The following CHTF18 variants were observed in gnomAD, a reference collection of about 807,000 sequenced individuals.
The protein encoded by CHTF18 is chromosome transmission fidelity protein 18 homolog.
In CHTF18, 151 loss-of-function variants were observed where a neutral mutation model predicts 113.4. The observed-to-expected ratio is 1.33, with a 90% CI of 1.17 to 1.52. The LOEUF is 1.52. Among genes scored for constraint, CHTF18 ranks in the 40% most tolerant of loss-of-function variants. The pLI, the probability that CHTF18 is intolerant of heterozygous loss-of-function variation, is 0.00. For synonymous variants in CHTF18, 916 were observed against 598.8 expected, an observed-to-expected ratio of 1.53 and a Z score of -7.74; for missense variants, 1,982 against 1,381.6, an observed-to-expected ratio of 1.43 and a Z score of -6.89.
In CHTF18 at chr16:792,345, G is replaced by T; in HGVS notation, c.1324G>T (p.Val442Leu). The change falls in exon 10 of 22, where the codon GTG becomes TTG. Residue 442 changes from valine (V) to leucine (L), a missense_variant and splice_region_variant. Val to Leu is a conservative substitution (Grantham distance 32). Coordinates refer to ENST00000262315, the MANE Select transcript of CHTF18 (RefSeq NM_022092.3). The part of the protein sequence containing the change: ...LVIDEIDGAP[V>L]AAINVLLSIL... Reference sequence around the variant, plus strand: ...CATCGATGAGATCGACGGGGCCCCCGTGGTGGGCTCCTTGATGCCTGGGTA... The same window carrying T: ...CATCGATGAGATCGACGGGGCCCCCTTGGTGGGCTCCTTGATGCCTGGGTA... 6.4e-7 allele frequency: 1 copy of T among 1,555,154 alleles called. No homozygotes were observed. Among genetic ancestry groups the T allele is most frequent in the Non-Finnish European group, 8.7e-7 (1 of 1,149,990 alleles).
intron 4 of CHTF18, 155 bp downstream of exon 4, chr16:789,870 G>GTCTACGCCCC: frequency 7.5e-7 from 1 of 1,333,636 alleles, no homozygotes; most frequent in Non-Finnish European, 1.0e-6. Flanking sequence ...CGTAGACTTA[G>GTCTACGCCCC]AGGACACAGC....
chr16:790,061 C>A, intron 4 of CHTF18, 116 bp from the exon 5 acceptor site: 6 of 1,536,960 alleles, frequency 3.9e-6, no homozygotes, highest in Non-Finnish European at 4.4e-6. Context: ...TCTCCCACCC[C>A]TCACTGGCCA....
Position 796,737 on chromosome 16 carries a change from G to T in CHTF18, c.2477G>T (p.Arg826Leu). The stretch of plus-strand genomic sequence containing the variant: ...AGCAGGAACGTGGAGGAACTCTGCC[G>T]CTTCCCTGAGCTGCCTGCCCGCAAG... Reference protein sequence around the residue: ...RLEPNVEELCRFPELPARKPL... With the variant: ...RLEPNVEELCLFPELPARKPL... Residue 826 changes from arginine to leucine, a missense_variant, in exon 19 of 22, where the codon CGC (arginine) becomes CTC (leucine). Arg to Leu is a moderately radical substitution (Grantham distance 102). Coordinates refer to ENST00000262315, the MANE Select transcript of CHTF18 (RefSeq NM_022092.3). 1.2e-6 allele frequency: 2 copies of T among 1,603,182 alleles called. No homozygotes were observed.
chr16:793,085 G>T, intron 13 of CHTF18, 21 bp downstream of exon 13: 1 of 1,512,780 alleles, frequency 6.6e-7, no homozygotes, highest in Non-Finnish European at 8.9e-7. Context: ...GGCAGGCACC[G>T]GGTGGGGTGG....
At chr16:796,486 C>G in intron 18 of CHTF18, 1 of 591,744 alleles carries the variant, frequency 1.7e-6, no homozygotes, top group Non-Finnish European at 2.9e-6. Context: ...TCCGTGGCAG[C>G]CATCGGCAGG....
rs1257611863 is a variant in CHTF18 at position 796,784 on chromosome 16, C to T, written c.2524C>T (p.Gln842Ter). The T allele has an allele frequency of 4.3e-6, 7 of 1,610,532 alleles. No homozygotes were observed. Among genetic ancestry groups the T allele is most frequent in the East Asian group, 2.2e-5 (1 of 44,876 alleles). Residue 842 changes from glutamine (Q) to a stop codon, truncating the protein, a stop_gained, in exon 19 of 22, where the codon CAG becomes TAG. Coordinates refer to ENST00000262315, the MANE Select transcript of CHTF18 (RefSeq NM_022092.3). LOFTEE classifies it high-confidence loss of function. ...CAAGCCCCTCACCTACCAGACGAAGCAGCTCATCGCCCGCGAGATCGAGGT... is the reference window on the plus strand; with the variant it reads ...CAAGCCCCTCACCTACCAGACGAAGTAGCTCATCGCCCGCGAGATCGAGGT... ...ARKPLTYQTK[Q>*]LIAREIEVEK...
intron 18 of CHTF18, 27 bp from the exon 19 acceptor site, chr16:796,690 G>A: frequency 6.4e-7 from 1 of 1,571,998 alleles, no homozygotes; most frequent in South Asian, 1.1e-5. Context: ...CCGCTGACCT[G>A]CCCTGGTGTC....
At chr16:795,048 G>T (rs2042298774) in intron 15 of CHTF18, 84 bp from the exon 16 acceptor site, 2 of 1,106,538 alleles carry the variant, frequency 1.8e-6, no homozygotes, top group Admixed American at 2.2e-5. Context: ...AGGAGTGGAG[G>T]GTCTGTGGCG....
At chr16:796,439 C>T (rs2042349418) in intron 18 of CHTF18, among the ~76,000 whole-genome samples, 1 of 152,236 alleles carries the variant, frequency 6.6e-6, no homozygotes, top group Non-Finnish European at 1.5e-5. Flanking sequence ...CCTGCTGCCC[C>T]AGCGACGGCA....
rs201801533 is a variant in CHTF18, at chr16:797,672, G to A, written c.2734-22G>A. On this transcript the variant is annotated intron_variant, in intron 20 of 21. Transcript: ENST00000262315. The stretch of plus-strand genomic sequence containing the variant: ...GATGGGGCATCTGTCCTATACGACT[G>A]ACTAGTCCTTCCTCCCATCAGCCTG... 5 of 1,611,042 alleles carry A rather than the reference G, an allele frequency of 3.1e-6. No homozygotes were observed. In the African/African-American group the frequency reaches 6.7e-5, roughly 22 times the overall value.
chr16:789,067 C>T lies in CHTF18; in HGVS notation c.228C>T (p.Gly76=), dbSNP rs750330171. The T allele has an allele frequency of 2.6e-6, 4 of 1,535,952 alleles. No homozygotes were observed. The highest frequency in any genetic ancestry group is 1.4e-5 in the African/African-American group (1 of 72,500). Residue 76 remains glycine (G), a synonymous_variant, in exon 2 of 22, where the codon GGC becomes GGT. Transcript: ENST00000262315. ...CCGCATCTGTGGGCAGCAGCCAGGGCGGCGCCAGGAAGAGGCAGGTGGACG... is the reference window on the plus strand; with the variant it reads ...CCGCATCTGTGGGCAGCAGCCAGGGTGGCGCCAGGAAGAGGCAGGTGGACG... ...APAASVGSSQ[G]GARKRQVDAD... is the part of the protein sequence containing the mutation.
At chr16:792,616 T>A (rs2042230748) in intron 11 of CHTF18, 26 bp downstream of exon 11, 1 of 1,591,582 alleles carries the variant, frequency 6.3e-7, no homozygotes, top group Non-Finnish European at 8.5e-7. Context: ...GGCGCCACAG[T>A]CAGGAGAGGC....
At position 796,958 on chromosome 16, in the gene CHTF18, C is replaced by T. The variant is rs954074128; in HGVS notation, c.2602-3C>T. 2 of 1,528,282 alleles carry T rather than the reference C, an allele frequency of 1.3e-6. No individual in the cohort carries two copies. The highest frequency in any genetic ancestry group is 8.8e-7 in the Non-Finnish European group (1 of 1,134,686). 94.7% of individuals were successfully genotyped at this position (1,528,282 alleles called of 1,614,324 possible). A position where few individuals can be genotyped will look rare whatever the true frequency, so the allele number is the denominator to read the frequency against. ...CAGATCTCACAATGCCTGCTCCCTA[C>T]AGGTGGATGGGAGCCCCCCAGGGCT... is the stretch of plus-strand genomic sequence containing the variant. On this transcript the variant is annotated splice_polypyrimidine_tract_variant and splice_region_variant and intron_variant, in intron 19 of 21. Transcript: ENST00000262315.
chr16:791,907 T>A lies in CHTF18; in HGVS notation c.1161T>A (p.Ile387=). 6.2e-7 allele frequency: 1 copy of A among 1,610,162 alleles called. No homozygotes were observed. ...GLGKTTLAHV[I]ARHAGYSVVE... is the part of the protein sequence containing the mutation. The stretch of plus-strand genomic sequence containing the variant: ...GGAAGACCACCCTGGCACACGTGAT[T>A]GCGCGTCACGCGGGGTACTCTGTGG... Residue 387 remains isoleucine, a synonymous_variant, in exon 9 of 22, where the codon ATT becomes ATA. Transcript: ENST00000262315.
rs1236497900 is a variant in CHTF18 at position 791,339 on chromosome 16, G to A, written c.1073G>A (p.Gly358Glu). ...EQVLEEMLEA[G>E]LDPSQRPKQK... ...GTGCTGGAGGAGATGCTGGAGGCTGGGCTGGACCCGAGCCAGCGACCGAAG... is the reference window on the plus strand; with the variant it reads ...GTGCTGGAGGAGATGCTGGAGGCTGAGCTGGACCCGAGCCAGCGACCGAAG... Residue 358 changes from glycine to glutamate, a missense_variant, in exon 8 of 22, where the codon GGG (glycine) becomes GAG (glutamate). Physicochemically the swap from Gly to Glu is moderately conservative, Grantham distance 98. Transcript: ENST00000262315. The A allele has an allele frequency of 6.2e-7, 1 of 1,607,238 alleles. No individual in the cohort carries two copies. Among genetic ancestry groups the A allele is most frequent in the East Asian group, 2.2e-5 (1 of 44,788 alleles).
chr16:797,559 T>A lies in CHTF18; in HGVS notation c.2734-135T>A, dbSNP rs1452614176. 1.3e-5 allele frequency: 11 copies of A among 876,252 alleles called. No homozygotes were observed. The East Asian group carries it at 2.4e-4, about 19-fold the overall frequency. 54.3% of individuals were successfully genotyped at this position (876,252 alleles called of 1,614,324 possible). A position where few individuals can be genotyped will look rare whatever the true frequency, so the allele number is the denominator to read the frequency against. ...AGTGAGGGGTGAGGGGCAGCTGGCC[T>A]GGGCCAGGTTCCGAAAGGTGTCTCA... On this transcript the variant is annotated intron_variant, in intron 20 of 21. Coordinates refer to ENST00000262315, the MANE Select transcript of CHTF18 (RefSeq NM_022092.3).
rs754889987 is a variant in CHTF18 at position 790,179 on chromosome 16, C to T, written c.609C>T (p.Gly203=). The stretch of plus-strand genomic sequence containing the variant: ...CAATTGTCCTCCCTTCCCCACAGGG[C>T]TCTCTCCTCCACGTCCCATGGCGAG... ...RADPMAPGVQ[G]SLLHVPWRGG... The change falls in exon 5 of 22, where the codon GGC becomes GGT. Residue 203 remains glycine, a splice_region_variant and synonymous_variant. Coordinates refer to ENST00000262315, the MANE Select transcript of CHTF18 (RefSeq NM_022092.3). 3 of 1,594,448 alleles carry T rather than the reference C, an allele frequency of 1.9e-6. No individual in the cohort carries two copies. Among genetic ancestry groups the T allele is most frequent in the African/African-American group, 1.3e-5 (1 of 74,488 alleles).
rs1222171081 is a variant in CHTF18 at position 788,621 on chromosome 16, G to C, written c.-64G>C. 2.3e-6 allele frequency: 3 copies of C among 1,298,342 alleles called. No individual in the cohort carries two copies. The highest frequency in any genetic ancestry group is 1.5e-5 in the African/African-American group (1 of 64,552). 80.4% of individuals were successfully genotyped at this position (1,298,342 alleles called of 1,614,324 possible). ...GGCGGCGCCCGGCACGCTCGGGGCGGGCAGTGCGCGACGGCGGCGGCGGCG... is the reference window on the plus strand; with the variant it reads ...GGCGGCGCCCGGCACGCTCGGGGCGCGCAGTGCGCGACGGCGGCGGCGGCG... On this transcript the variant is annotated 5_prime_UTR_variant, in exon 1 of 22. Coordinates refer to ENST00000262315, the MANE Select transcript of CHTF18 (RefSeq NM_022092.3).
intron 17 of CHTF18, 47 bp downstream of exon 17, chr16:795,881 T>C (rs767264684): frequency 2.1e-5 from 33 of 1,606,532 alleles, no homozygotes; most frequent in Non-Finnish European, 2.7e-5. Flanking sequence ...GCTGCCCTCC[T>C]GTCCTAGGTG....
Sources: gnomAD v4.1 joint callset for allele counts (sites outside exome capture counted in the v4.1 genomes callset) on GRCh38, gnomAD v4.1.1 for gene constraint, MANE v1.5 for transcripts, NCBI Gene and HGNC (gene_info 2026-07-23, HGNC 2026-07-21) for gene names.